Variants in LNPEP observed in about 807,000 individuals in gnomAD.
LNPEP encodes leucyl and cystinyl aminopeptidase.
LNPEP carries 64 observed loss-of-function variants against 120.6 expected under a neutral mutation model. That is an observed-to-expected ratio of 0.53 (90% CI 0.43 to 0.65). The LOEUF is 0.65. Ranked by LOEUF, LNPEP falls within the 30% of genes least tolerant of loss-of-function variation. The probability of loss-of-function intolerance (pLI) is 0.00; values close to 1 mark genes in which losing one functional copy is unlikely to be tolerated. For synonymous variants in LNPEP, 435 were observed against 425.4 expected (o/e 1.02, Z -0.28); for missense variants, 1,057 against 1,200.0 (o/e 0.88, Z 1.76).
chr5:97,017,659 A>G (rs780365826), intron 13 of LNPEP, among the ~76,000 whole-genome samples: 4 of 152,176 alleles, frequency 2.6e-5, no homozygotes, highest in Non-Finnish European at 5.9e-5. Context: ...CCCCAGGACC[A>G]GTATATTTTA....
chr5:96,999,096 G>C (rs1476182473), intron 8 of LNPEP, among the ~76,000 whole-genome samples: 2 of 152,240 alleles, frequency 1.3e-5, no homozygotes, highest in South Asian at 4.2e-4. Context: ...GAAGGCTCTG[G>C]ATACCATAAG....
At chr5:96,982,975 G>A (rs757309620) in intron 2 of LNPEP, among the ~76,000 whole-genome samples, 10 of 144,764 alleles carry the variant, frequency 6.9e-5, no homozygotes, top group Admixed American at 1.3e-4. Flanking sequence ...TGGTATACAA[G>A]TCGTTTTTAT....
chr5:97,010,413 A>G, intron 11 of LNPEP: 1 of 984,772 alleles, frequency 1.0e-6, no homozygotes, highest in Non-Finnish European at 1.2e-6. Flanking sequence ...ATCATGTGCC[A>G]TTCTCTGCTC....
intron 1 of LNPEP, among the ~76,000 whole-genome samples, chr5:96,939,057 G>A (rs945669284): frequency 6.6e-6 from 1 of 151,526 alleles, no homozygotes; most frequent in Non-Finnish European, 1.5e-5. Flanking sequence ...ATTCTTTGAT[G>A]TTTATCCAGA....
At chr5:96,993,213 T>G in intron 5 of LNPEP, 78 bp downstream of exon 5, 1 of 1,110,890 alleles carries the variant, frequency 9.0e-7, no homozygotes, top group East Asian at 2.5e-5. Flanking sequence ...TAGAAAGAGG[T>G]TCTGCCCAAG....
intron 6 of LNPEP, among the ~76,000 whole-genome samples, chr5:96,994,857 C>G (rs1012288656): frequency 3.3e-5 from 5 of 152,222 alleles, no homozygotes; most frequent in African/African-American, 1.2e-4. Flanking sequence ...CGCCTGTAAT[C>G]TCAGCACTTT....
chr5:96,942,680 C>T (rs1789085117), intron 1 of LNPEP, among the ~76,000 whole-genome samples: 1 of 128,564 alleles, frequency 7.8e-6, no homozygotes, highest in Admixed American at 8.7e-5. Flanking sequence ...AATACGAGAA[C>T]ACTTGGACAC....
At position 96,954,768 on chromosome 5, in the gene LNPEP, ATATATTTTTTTTTTT is replaced by A. The variant is rs1561430255; in HGVS notation, c.19+18596_19+18610del. Among the ~76,000 whole-genome samples the A allele has an allele frequency of 2.1e-3, 76 of 36,096 alleles. 4 individuals carry two copies. The highest frequency in any genetic ancestry group is 7.1e-3 in the African/African-American group (71 of 10,024). The allele number at this position is 36,096 out of a possible 152,430, so 23.7% of individuals were successfully genotyped here. ...TATACACATATATATATATATATAT[ATATATTTTTTTTTTT>A]TTTTTTTTTTTTTTTTTGAGACAGA... is the stretch of plus-strand genomic sequence containing the variant. On this transcript the variant is annotated intron_variant, in intron 1 of 17. Transcript: ENST00000231368.
In LNPEP at chr5:96,996,487, T is replaced by C. The variant is rs751493023; in HGVS notation, c.1505T>C (p.Phe502Ser). Residue 502 changes from phenylalanine (F) to serine (S), a missense_variant, in exon 7 of 18, where the codon TTC (phenylalanine) becomes TCC (serine). Phe to Ser is a radical substitution (Grantham distance 155). Transcript: ENST00000231368. ...GAGTATTTCTCTTTGGAAAAAATAT[T>C]CAAAGAGCTTTCTAGTGTAAGTACA... ...FMEYFSLEKI[F>S]KELSSYEDFL... 1.9e-6 allele frequency: 3 copies of C among 1,576,734 alleles called. No individual in the cohort carries two copies. The highest frequency in any genetic ancestry group is 2.2e-5 in the East Asian group (1 of 44,552).
At chr5:96,999,353 G>C (rs1052018327) in intron 8 of LNPEP, among the ~76,000 whole-genome samples, 1 of 152,124 alleles carries the variant, frequency 6.6e-6, no homozygotes, top group Non-Finnish European at 1.5e-5. Flanking sequence ...GGCAGGGAAA[G>C]TACTTAAAGT....
Position 96,979,239 on chromosome 5 carries a change from C to T in LNPEP, c.121C>T (p.Pro41Ser). 1 of 1,613,828 alleles carries T rather than the reference C, an allele frequency of 6.2e-7. No homozygotes were observed. The highest frequency in any genetic ancestry group is 8.5e-7 in the Non-Finnish European group (1 of 1,179,854). The change falls in exon 2 of 18, where the codon CCT (proline) becomes TCT (serine). Residue 41 changes from proline to serine, a missense_variant. Physicochemically the swap from Pro to Ser is moderately conservative, Grantham distance 74. Coordinates refer to ENST00000231368, the MANE Select transcript of LNPEP (RefSeq NM_005575.3). The part of the protein sequence containing the change: ...AKEPCLHPLE[P>S]DEVEYEPRGS... ...AGAGCCTTGTTTACATCCTCTAGAG[C>T]CTGATGAGGTGGAATATGAGCCCCG...
chr5:96,937,497 G>C (rs1033627250), intron 1 of LNPEP: 2 of 152,136 alleles, frequency 1.3e-5, no homozygotes, highest in East Asian at 3.8e-4. Flanking sequence ...AATTAAGGAA[G>C]GTTTGAGCTA....
intron 13 of LNPEP, among the ~76,000 whole-genome samples, chr5:97,021,444 T>A (rs182418917): frequency 6.6e-6 from 1 of 152,364 alleles, no homozygotes; most frequent in East Asian, 1.9e-4. Flanking sequence ...CTTGCTAATT[T>A]GGTTAATTTG....
Position 96,979,862 on chromosome 5 carries a change from C to G in LNPEP, c.744C>G (p.Pro248=), listed in dbSNP as rs769467536. 1.9e-6 allele frequency: 3 copies of G among 1,613,958 alleles called. No homozygotes were observed. In the East Asian group the frequency reaches 6.7e-5, roughly 36 times the overall value. Residue 248 remains proline, a synonymous_variant, in exon 2 of 18, where the codon CCC becomes CCG. Transcript: ENST00000231368. ...AYHGQIAIVA[P]EALLAGHNYT... ...ATGGACAGATCGCCATTGTTGCCCC[C>G]GAAGCCCTTCTAGCAGGGCACAATT...
At chr5:97,018,879 A>G (rs1444962691) in intron 13 of LNPEP, among the ~76,000 whole-genome samples, 1 of 152,158 alleles carries the variant, frequency 6.6e-6, no homozygotes, top group Non-Finnish European at 1.5e-5. Context: ...CTGGAGGCAC[A>G]TTTCAATTGT....
In LNPEP at chr5:96,979,199, G is replaced by T; in HGVS notation, c.81G>T (p.Val27=). Residue 27 remains valine, a synonymous_variant, in exon 2 of 18, where the codon GTG becomes GTT. Transcript: ENST00000231368. ...GCATGTTTGAGGAAGAACCAGATGTGGTGGATTTAGCCAAAGAGCCTTGTT... is the reference window on the plus strand; with the variant it reads ...GCATGTTTGAGGAAGAACCAGATGTTGTGGATTTAGCCAAAGAGCCTTGTT... The part of the protein sequence containing the change: ...ENSMFEEEPD[V]VDLAKEPCLH... 1.2e-6 allele frequency: 2 copies of T among 1,613,814 alleles called. No individual in the cohort carries two copies. The highest frequency in any genetic ancestry group is 1.7e-6 in the Non-Finnish European group (2 of 1,179,840).
intron 1 of LNPEP, among the ~76,000 whole-genome samples, chr5:96,971,252 G>T (rs953104008): frequency 2.0e-5 from 3 of 151,730 alleles, no homozygotes; most frequent in African/African-American, 4.8e-5. Flanking sequence ...TTGTTCATCT[G>T]TATGTAGCAT....
intron 11 of LNPEP, chr5:97,010,885 G>A: frequency 2.0e-6 from 2 of 985,208 alleles, no homozygotes; most frequent in Middle Eastern, 5.2e-4. Context: ...CACCATTCTG[G>A]ATCATTCAGA....
At position 97,023,771 on chromosome 5, in the gene LNPEP, G is replaced by T. The variant is rs1791271244; in HGVS notation, c.2562-750G>T. Among the ~76,000 whole-genome samples the T allele has an allele frequency of 2.6e-5, 4 of 152,052 alleles. No homozygotes were observed. The South Asian group carries it at 8.3e-4, about 32-fold the overall frequency. ...GGAAGTAGTATTGCTGGATCATATGGTAATTCTAATTTTAATTTTTTGAGG... is the reference window on the plus strand; with the variant it reads ...GGAAGTAGTATTGCTGGATCATATGTTAATTCTAATTTTAATTTTTTGAGG... On this transcript the variant is annotated intron_variant, in intron 14 of 17. Coordinates refer to ENST00000231368, the MANE Select transcript of LNPEP (RefSeq NM_005575.3).
Sources: gnomAD v4.1 joint callset for allele counts (sites outside exome capture counted in the v4.1 genomes callset) on GRCh38, gnomAD v4.1.1 for gene constraint, MANE v1.5 for transcripts, NCBI Gene and HGNC (gene_info 2026-07-23, HGNC 2026-07-21) for gene names.